NAV3: variants seen among roughly 807,000 people sequenced by gnomAD.
NAV3 encodes neuron navigator 3.
NAV3 carries 87 observed loss-of-function variants against 244.7 expected under a neutral mutation model. The ratio of observed to expected loss-of-function variants is 0.36; its 90% CI spans 0.30 to 0.42. The LOEUF (loss-of-function observed/expected upper bound fraction) is 0.42, where lower values mean the gene tolerates loss of function less well. Among genes scored for constraint, NAV3 ranks in the 20% least tolerant of loss-of-function variants. The pLI is 1.00. For synonymous variants in NAV3, 1,126 were observed against 1,042.2 expected, an observed-to-expected ratio of 1.08 and a Z score of -1.55; for missense variants, 2,663 against 2,893.3, an observed-to-expected ratio of 0.92 and a Z score of 1.83.
intron 2 of NAV3, among the ~76,000 whole-genome samples, chr12:77,678,050 C>A (rs1424535613): frequency 6.6e-6 from 1 of 152,042 alleles, no homozygotes; most frequent in East Asian, 1.9e-4. Context: ...GCCTTGTTAG[C>A]ACTGATTTGC....
At chr12:77,948,210 C>A (rs768949472) in intron 3 of NAV3, among the ~76,000 whole-genome samples, 3 of 151,966 alleles carry the variant, frequency 2.0e-5, no homozygotes, top group Non-Finnish European at 4.4e-5. Flanking sequence ...GTTAAAAATA[C>A]AAGAATGCCT....
intron 5 of NAV3, among the ~76,000 whole-genome samples, chr12:77,985,974 G>T (rs1180669272): frequency 6.6e-6 from 1 of 151,934 alleles, no homozygotes; most frequent in Non-Finnish European, 1.5e-5. Flanking sequence ...AATTTTTTTG[G>T]TAGTCTCCCA....
intron 31 of NAV3, among the ~76,000 whole-genome samples, chr12:78,186,369 T>G (rs1327830275): frequency 6.6e-6 from 1 of 151,886 alleles, no homozygotes; most frequent in African/African-American, 2.4e-5. Context: ...AAATAAAAAT[T>G]CTTTAGAATT....
intron 1 of NAV3, among the ~76,000 whole-genome samples, chr12:77,930,421 CT>C (rs1362042608): frequency 6.9e-6 from 1 of 145,662 alleles, no homozygotes; most frequent in Non-Finnish European, 1.5e-5. Context: ...TTTATGTTGA[CT>C]TTATGGCTAC....
Position 78,118,142 on chromosome 12 carries a change from A to G in NAV3, c.2885A>G (p.Lys962Arg). The G allele has an allele frequency of 6.2e-7, 1 of 1,614,030 alleles. No homozygotes were observed. Among genetic ancestry groups the G allele is most frequent in the Non-Finnish European group, 8.5e-7 (1 of 1,180,008 alleles). The part of the protein sequence containing the change: ...DSHGDAGGKW[K>R]TVSSGLPEDP... Reference sequence around the variant, plus strand: ...CATGGGGATGCTGGTGGCAAGTGGAAGACTGTGTCCTCTGGACTTCCTGAA... The same window carrying G: ...CATGGGGATGCTGGTGGCAAGTGGAGGACTGTGTCCTCTGGACTTCCTGAA... The change falls in exon 14 of 40, where the codon AAG (lysine) becomes AGG (arginine). Residue 962 changes from lysine to arginine, a missense_variant. By Grantham distance (26) the Lys-to-Arg change is conservative. Transcript: ENST00000397909.
chr12:77,614,074 C>CTTT (rs71440485), intron 2 of NAV3, among the ~76,000 whole-genome samples: 8 of 95,648 alleles, frequency 8.4e-5, no homozygotes, highest in South Asian at 4.1e-4. Flanking sequence ...TTCTTTCTCT[C>CTTT]TTTTTTTTTT....
At chr12:78,153,252 A>G (rs1957144644) in intron 22 of NAV3, among the ~76,000 whole-genome samples, 1 of 152,054 alleles carries the variant, frequency 6.6e-6, no homozygotes, top group Non-Finnish European at 1.5e-5. Flanking sequence ...GTCTCTAGTT[A>G]GCTCACCTCT....
intron 31 of NAV3, 89 bp from the exon 32 acceptor site, chr12:78,188,159 C>A: frequency 1.0e-6 from 1 of 970,330 alleles, no homozygotes; most frequent in Non-Finnish European, 1.6e-6. Flanking sequence ...GTCTTAACAA[C>A]AACTACATTA....
chr12:78,106,139 G>T (rs577638827), intron 12 of NAV3, among the ~76,000 whole-genome samples: 1 of 151,630 alleles, frequency 6.6e-6, no homozygotes. Context: ...AAGTATAATT[G>T]CCTTTTTTTA....
intron 2 of NAV3, among the ~76,000 whole-genome samples, chr12:77,722,243 T>C (rs1367245813): frequency 1.3e-5 from 2 of 152,114 alleles, no homozygotes; most frequent in African/African-American, 4.8e-5. Flanking sequence ...TTCTACACTG[T>C]GTACTGGGCT....
At chr12:77,644,189 A>C (rs2136962700) in intron 2 of NAV3, among the ~76,000 whole-genome samples, 1 of 152,232 alleles carries the variant, frequency 6.6e-6, no homozygotes, top group South Asian at 2.1e-4. Context: ...CATGAGGTCG[A>C]ACAGAGGTCC....
chr12:77,739,195 A>G (rs1410025241), intron 2 of NAV3, among the ~76,000 whole-genome samples: 1 of 152,128 alleles, frequency 6.6e-6, no homozygotes, highest in Non-Finnish European at 1.5e-5. Flanking sequence ...TGTGAGTATT[A>G]AAAGATATGA....
chr12:78,006,334 C>T, intron 7 of NAV3, 85 bp from the exon 8 acceptor site: 1 of 1,238,452 alleles, frequency 8.1e-7, no homozygotes, highest in Non-Finnish European at 1.1e-6. Context: ...TTCTATCCAT[C>T]AATAGTTTGG....
At chr12:77,867,114 A>C (rs1880162204) in intron 1 of NAV3, among the ~76,000 whole-genome samples, 1 of 152,162 alleles carries the variant, frequency 6.6e-6, no homozygotes, top group Admixed American at 6.5e-5. Context: ...TCTCATCTTG[A>C]ATTGTAGCTT....
At chr12:77,830,549 T>C (rs765181582), upstream of NAV3, among the ~76,000 whole-genome samples, 11 of 152,224 alleles carry the variant, frequency 7.2e-5, no homozygotes, top group Non-Finnish European at 1.6e-4. Flanking sequence ...TTGGGAACAA[T>C]GATTACTACA....
chr12:78,004,688 C>T (rs147642273), intron 7 of NAV3, among the ~76,000 whole-genome samples: 57 of 152,280 alleles, frequency 3.7e-4, no homozygotes, highest in African/African-American at 1.3e-3. Flanking sequence ...GTGAGGAGTC[C>T]AGAGAGACTC....
intron 1 of NAV3, among the ~76,000 whole-genome samples, chr12:77,935,422 C>T (rs894938131): frequency 6.6e-6 from 1 of 152,114 alleles, no homozygotes; most frequent in Non-Finnish European, 1.5e-5. Context: ...GCTACAAGGT[C>T]ATTACAACTT....
intron 1 of NAV3, among the ~76,000 whole-genome samples, chr12:77,877,796 G>T: frequency 6.6e-6 from 1 of 152,076 alleles, no homozygotes; most frequent in Middle Eastern, 3.2e-3. Context: ...GTGGTGTGGG[G>T]GTGGGAAGGA....
chr12:77,850,527 C>A (rs188612266), intron 1 of NAV3, among the ~76,000 whole-genome samples: 38 of 152,310 alleles, frequency 2.5e-4, no homozygotes, highest in Admixed American at 2.2e-3. Flanking sequence ...TCCTTTCCTG[C>A]TGCTGGTGGT....
Sources: allele counts gnomAD v4.1 joint callset (sites outside exome capture counted in the v4.1 genomes callset), GRCh38; gene constraint gnomAD v4.1.1; transcripts MANE v1.5; gene names NCBI Gene and HGNC (gene_info 2026-07-23, HGNC 2026-07-21).